GAL3ST1: variants seen among roughly 807,000 people sequenced by gnomAD.
The protein encoded by GAL3ST1 is galactosylceramide sulfotransferase.
GAL3ST1 carries 13 observed loss-of-function variants against 25.0 expected under a neutral mutation model. The observed-to-expected ratio is 0.52, with a 90% CI of 0.34 to 0.83. GAL3ST1 has a LOEUF of 0.83. Ranked by LOEUF, GAL3ST1 falls within the 40% of genes least tolerant of loss-of-function variation. The pLI is 0.02. For synonymous variants in GAL3ST1, 274 were observed against 277.8 expected, an observed-to-expected ratio of 0.99 and a Z score of 0.14; for missense variants, 474 against 613.6, an observed-to-expected ratio of 0.77 and a Z score of 2.40.
In GAL3ST1 at chr22:30,556,195, G is replaced by A. The variant is rs2086016581; in HGVS notation, c.132-102C>T. 3.0e-6 allele frequency: 3 copies of A among 1,002,128 alleles called. No individual in the cohort carries two copies. In the African/African-American group the frequency reaches 4.8e-5, roughly 16 times the overall value. The allele number at this position is 1,002,128 out of a possible 1,614,324, so 62.1% of individuals were successfully genotyped here. ...ATTATTGGGAACAGTGGTGGCAAAGGAGCTGGGATAGTGAGACCTGTGGGG... is the reference window on the plus strand; with the variant it reads ...ATTATTGGGAACAGTGGTGGCAAAGAAGCTGGGATAGTGAGACCTGTGGGG... On this transcript the variant is annotated intron_variant, in intron 3 of 3. Coordinates refer to ENST00000406361, the MANE Select transcript of GAL3ST1 (RefSeq NM_001318104.2).
intron 1 of GAL3ST1, among the ~76,000 whole-genome samples, chr22:30,570,442 T>C (rs2086746857): frequency 6.6e-6 from 1 of 152,166 alleles, no homozygotes; most frequent in Admixed American, 6.5e-5. Context: ...TTTCCTCCAG[T>C]GCTCACAGAG....
intron 1 of GAL3ST1, 40 bp from the exon 2 acceptor site, chr22:30,558,428 A>G (rs1239266366): frequency 6.6e-6 from 1 of 152,192 alleles, no homozygotes; most frequent in Non-Finnish European, 1.5e-5. Context: ...GAAGGAAAAG[A>G]AGACCCTCTC....
Position 30,555,604 on chromosome 22 carries a change from G to T in GAL3ST1, c.621C>A (p.Asn207Lys). ...TTCGGAGGTAGTGGGCATTGAAGCC[G>T]TTGGGGTCGTAGTAGCGATCCGGGT... The part of the protein sequence containing the change: ...LQDPDRYYDP[N>K]GFNAHYLRNL... Residue 207 changes from asparagine to lysine, a missense_variant, in exon 4 of 4, where the codon AAC becomes AAA. Asn to Lys is a moderately conservative substitution (Grantham distance 94). Around this residue, in one of 2 missense-constraint regions of GAL3ST1, gnomAD observed 359 missense variants for 504.4 expected, o/e 0.71. Coordinates refer to ENST00000406361, the MANE Select transcript of GAL3ST1 (RefSeq NM_001318104.2). This position sits in a 1 kb window ranked among gnomAD's most constrained non-coding sequence, Gnocchi z 8.6. The T allele has an allele frequency of 1.2e-6, 2 of 1,613,588 alleles. No homozygotes were observed. The highest frequency in any genetic ancestry group is 2.2e-5 in the East Asian group (1 of 44,880).
In GAL3ST1 at chr22:30,566,811, G is replaced by A. The variant is rs940863455; in HGVS notation, c.-120+7655C>T. ...TTTTTAGTAGAGACGGGGTTTCACC[G>A]TGTTAGCCAGGATGGTCTCGATCTC... is the stretch of plus-strand genomic sequence containing the variant. On this transcript the variant is annotated intron_variant, in intron 1 of 3. Transcript: ENST00000406361. Among the ~76,000 whole-genome samples the A allele has an allele frequency of 5.9e-5, 9 of 151,908 alleles. 1 individual carries two copies. The highest frequency in any genetic ancestry group is 3.9e-4 in the Admixed American group (6 of 15,250).
chr22:30,565,268 AT>A (rs1473290129), intron 1 of GAL3ST1: 1 of 152,264 alleles, frequency 6.6e-6, no homozygotes, highest in Non-Finnish European at 1.5e-5. Context: ...CACCTATTGC[AT>A]TTCATTTAAG....
chr22:30,567,927 C>T (rs977540471), intron 1 of GAL3ST1, among the ~76,000 whole-genome samples: 1 of 152,208 alleles, frequency 6.6e-6, no homozygotes, highest in Non-Finnish European at 1.5e-5. Context: ...AAGTGATCCA[C>T]CTGCCTCAGC....
chr22:30,569,955 C>G (rs997348153), intron 1 of GAL3ST1, among the ~76,000 whole-genome samples: 1 of 152,132 alleles, frequency 6.6e-6, no homozygotes, highest in Non-Finnish European at 1.5e-5. Context: ...TGGTGGTGCA[C>G]GCCTGTAGCC....
chr22:30,562,049 T>G (rs1601957107), intron 1 of GAL3ST1, among the ~76,000 whole-genome samples: 1 of 152,252 alleles, frequency 6.6e-6, no homozygotes, highest in Non-Finnish European at 1.5e-5. Flanking sequence ...GTCACTAGGC[T>G]ATGAGATAAT....
intron 1 of GAL3ST1, among the ~76,000 whole-genome samples, chr22:30,559,902 T>G (rs1369950070): frequency 6.6e-6 from 1 of 152,248 alleles, no homozygotes; most frequent in Non-Finnish European, 1.5e-5. Flanking sequence ...CACACTGCAC[T>G]GCGCCCTGGG....
At chr22:30,563,656 G>C (rs986314491) in intron 1 of GAL3ST1, among the ~76,000 whole-genome samples, 5 of 151,988 alleles carry the variant, frequency 3.3e-5, no homozygotes, top group Non-Finnish European at 7.4e-5. Context: ...GCTCATGCCT[G>C]TAATCCCAGC....
rs746686523 is a variant in GAL3ST1, at chr22:30,555,688, C to T, written c.537G>A (p.Pro179=). The part of the protein sequence containing the change: ...LFESSFHYFG[P]VVPLTWKLSA... Reference sequence around the variant, plus strand: ...AGAGCTTCCACGTGAGGGGCACCACCGGCCCGAAGTAGTGGAAGGAGGACT... The same window carrying T: ...AGAGCTTCCACGTGAGGGGCACCACTGGCCCGAAGTAGTGGAAGGAGGACT... Residue 179 remains proline (P), a synonymous_variant, in exon 4 of 4, where the codon CCG becomes CCA. Transcript: ENST00000406361. This position sits in a 1 kb window ranked among gnomAD's most constrained non-coding sequence, Gnocchi z 8.6. 1.9e-6 allele frequency: 3 copies of T among 1,613,852 alleles called. No homozygotes were observed. Among genetic ancestry groups the T allele is most frequent in the South Asian group, 1.1e-5 (1 of 91,082 alleles).
chr22:30,572,946 G>A (rs1164461289), intron 1 of GAL3ST1: 1 of 152,182 alleles, frequency 6.6e-6, no homozygotes, highest in Non-Finnish European at 1.5e-5. Flanking sequence ...AGGGGCTGTG[G>A]GGGACACACT....
intron 2 of GAL3ST1, among the ~76,000 whole-genome samples, chr22:30,557,959 A>T (rs552301856): frequency 2.0e-5 from 3 of 151,392 alleles, no homozygotes; most frequent in Non-Finnish European, 4.4e-5. Flanking sequence ...TTATATTTTA[A>T]TTTTTTTAAA....
chr22:30,554,892 C>T lies in GAL3ST1; in HGVS notation c.*61G>A, dbSNP rs2085893646. ...GGCTGGGGGCGGCCAGCACCAGCGG[C>T]GTCCTGCTCAGCCCCTCTGCAGGGA... is the stretch of plus-strand genomic sequence containing the variant. On this transcript the variant is annotated 3_prime_UTR_variant, in exon 4 of 4. Transcript: ENST00000406361. 5 of 1,324,962 alleles carry T rather than the reference C, an allele frequency of 3.8e-6. No homozygotes were observed. Among genetic ancestry groups the T allele is most frequent in the South Asian group, 2.9e-5 (2 of 68,248 alleles). 82.1% of individuals were successfully genotyped at this position (1,324,962 alleles called of 1,614,324 possible).
At chr22:30,564,611 G>T (rs571798651) in intron 1 of GAL3ST1, among the ~76,000 whole-genome samples, 22 of 152,312 alleles carry the variant, frequency 1.4e-4, no homozygotes, top group Non-Finnish European at 2.2e-4. Flanking sequence ...CAGGCAGCTG[G>T]CAGCAGGCCA....
intron 2 of GAL3ST1, 110 bp from the exon 3 acceptor site, chr22:30,557,511 C>A: frequency 8.3e-7 from 1 of 1,206,526 alleles, no homozygotes; most frequent in Non-Finnish European, 1.2e-6. Flanking sequence ...TCTGTGGCCC[C>A]CCAGCAGGGT....
chr22:30,559,411 T>A (rs2086245443), intron 1 of GAL3ST1, among the ~76,000 whole-genome samples: 1 of 151,980 alleles, frequency 6.6e-6, no homozygotes, highest in Admixed American at 6.6e-5. Flanking sequence ...CAGCTAATTT[T>A]TGTATTTTTA....
rs1417030565 is a variant in GAL3ST1 at position 30,554,829 on chromosome 22, C to A, written c.*124G>T. 4 of 715,512 alleles carry A rather than the reference C, an allele frequency of 5.6e-6. No homozygotes were observed. Among genetic ancestry groups the A allele is most frequent in the African/African-American group, 5.5e-5 (3 of 54,992 alleles). The allele number at this position is 715,512 out of a possible 1,614,324, so 44.3% of individuals were successfully genotyped here. On this transcript the variant is annotated 3_prime_UTR_variant, in exon 4 of 4. Coordinates refer to ENST00000406361, the MANE Select transcript of GAL3ST1 (RefSeq NM_001318104.2). ...GGCTGGCTGCCTCCCCCCAGGGAGC[C>A]CCCCCTCACCCCGGGGTCTGAGGTG...
rs201686375 is a variant in GAL3ST1 at position 30,555,200 on chromosome 22, C to T, written c.1025G>A (p.Arg342Gln). Reference sequence around the variant, plus strand: ...GTGGCCCCCGTCGATGCAGATGGTCCGCATGCGCTCGTTGGCATGGCGCAG... The same window carrying T: ...GTGGCCCCCGTCGATGCAGATGGTCTGCATGCGCTCGTTGGCATGGCGCAG... ...AALRHANERM[R>Q]TICIDGGHAV... is the part of the protein sequence containing the mutation. The change falls in exon 4 of 4, where the codon CGG becomes CAG. Residue 342 changes from arginine (R) to glutamine (Q), a missense_variant. By Grantham distance (43) the Arg-to-Gln change is conservative. Coordinates refer to ENST00000406361, the MANE Select transcript of GAL3ST1 (RefSeq NM_001318104.2). This position sits in a 1 kb window ranked among gnomAD's most constrained non-coding sequence, Gnocchi z 8.6. 6.9e-6 allele frequency: 11 copies of T among 1,599,518 alleles called. No homozygotes were observed. Among genetic ancestry groups the T allele is most frequent in the East Asian group, 2.2e-5 (1 of 44,682 alleles).
Sources: allele counts gnomAD v4.1 joint callset (sites outside exome capture counted in the v4.1 genomes callset), GRCh38; gene constraint gnomAD v4.1.1; regional missense constraint gnomAD v4.1.1; non-coding constraint Gnocchi (gnomAD v3.1); transcripts MANE v1.5; gene names NCBI Gene and HGNC (gene_info 2026-07-23, HGNC 2026-07-21).